KLHL25: variants seen among roughly 807,000 people sequenced by gnomAD.
The protein encoded by KLHL25 is kelch like family member 25.
KLHL25 carries 41 observed loss-of-function variants against 30.0 expected under a neutral mutation model. The ratio of observed to expected loss-of-function variants is 1.37; its 90% CI spans 1.07 to 1.78. The LOEUF is 1.78. Ranked by LOEUF, KLHL25 falls within the 40% of genes most tolerant of loss-of-function variation. KLHL25 has a pLI of 0.00. For synonymous variants in KLHL25, 399 were observed against 355.3 expected, an observed-to-expected ratio of 1.12 and a Z score of -1.38; for missense variants, 971 against 824.5, an observed-to-expected ratio of 1.18 and a Z score of -2.18.
At position 85,769,496 on chromosome 15, in the gene KLHL25, G is replaced by A. The variant is rs752546527; in HGVS notation, c.315C>T (p.Ala105=). 6.2e-7 allele frequency: 1 copy of A among 1,614,046 alleles called. No individual in the cohort carries two copies. Among genetic ancestry groups the A allele is most frequent in the Non-Finnish European group, 8.5e-7 (1 of 1,180,044 alleles). ...PEVLELLLDF[A]YSSRIAINEE... ...CGTTGATGGCGATGCGTGAGGAGTA[G>A]GCAAAGTCCAGCAGCAGCTCCAGCA... Residue 105 remains alanine, a synonymous_variant, in exon 2 of 3, where the codon GCC becomes GCT. Coordinates refer to ENST00000337975, the MANE Select transcript of KLHL25 (RefSeq NM_022480.4).
intron 1 of KLHL25, among the ~76,000 whole-genome samples, chr15:85,784,696 C>T (rs1597280669): frequency 6.6e-6 from 1 of 152,132 alleles, no homozygotes; most frequent in East Asian, 1.9e-4. Flanking sequence ...GAAATGGGGA[C>T]TGACCTCAGT....
At chr15:85,793,247 C>T (rs1398653634) in intron 1 of KLHL25, among the ~76,000 whole-genome samples, 1 of 152,210 alleles carries the variant, frequency 6.6e-6, no homozygotes, top group Non-Finnish European at 1.5e-5. Context: ...TAGCTCTTCT[C>T]TCCGCACCAC....
chr15:85,769,505 C>T lies in KLHL25; in HGVS notation c.306G>A (p.Leu102=), dbSNP rs946935769. ...CGATGCGTGAGGAGTAGGCAAAGTC[C>T]AGCAGCAGCTCCAGCACCTCCGGGT... ...NLHPEVLELL[L]DFAYSSRIAI... The change falls in exon 2 of 3, where the codon CTG becomes CTA. Residue 102 remains leucine (L), a synonymous_variant. Coordinates refer to ENST00000337975, the MANE Select transcript of KLHL25 (RefSeq NM_022480.4). 1.4e-5 allele frequency: 23 copies of T among 1,614,008 alleles called. No individual in the cohort carries two copies. Among genetic ancestry groups the T allele is most frequent in the Non-Finnish European group, 1.9e-5 (23 of 1,180,048 alleles).
intron 1 of KLHL25, among the ~76,000 whole-genome samples, chr15:85,776,277 T>C (rs1166465728): frequency 6.6e-6 from 1 of 151,298 alleles, no homozygotes; most frequent in Non-Finnish European, 1.5e-5. Flanking sequence ...TCACCTGAGG[T>C]CAGGAGTTGG....
In KLHL25 at chr15:85,766,619, TCTGCAGGGC is replaced by T. The variant is rs1387893826; in HGVS notation, c.*24+1389_*24+1397del. ...CCCGTTCCTTCCCTTCACTGCAGGG[TCTGCAGGGC>T]CTGGCTCAAACTGCTCCCAGTGTCT... On this transcript the variant is annotated intron_variant, in intron 2 of 2. Coordinates refer to ENST00000337975, the MANE Select transcript of KLHL25 (RefSeq NM_022480.4). Among the ~76,000 whole-genome samples, 7 of 151,520 alleles carry T rather than the reference TCTGCAGGGC, an allele frequency of 4.6e-5. 1 individual carries two copies. The South Asian group carries it at 8.3e-4, about 18-fold the overall frequency.
chr15:85,782,388 C>G (rs2089749478), intron 1 of KLHL25, among the ~76,000 whole-genome samples: 1 of 151,820 alleles, frequency 6.6e-6, no homozygotes, highest in Non-Finnish European at 1.5e-5. Flanking sequence ...CAACCCAGTG[C>G]CAAATTGTGA....
At chr15:85,793,464 C>T (rs562020870) in intron 1 of KLHL25, among the ~76,000 whole-genome samples, 126 of 152,218 alleles carry the variant, frequency 8.3e-4, no homozygotes, top group African/African-American at 2.9e-3. Context: ...CCAAATGGAC[C>T]CTGAGGTGGG....
At chr15:85,790,330 C>T (rs576743781) in intron 1 of KLHL25, among the ~76,000 whole-genome samples, 13 of 152,224 alleles carry the variant, frequency 8.5e-5, no homozygotes, top group African/African-American at 2.9e-4. Context: ...TCAGGTGATC[C>T]GCCCACCTCG....
intron 1 of KLHL25, 137 bp from the exon 2 acceptor site, chr15:85,769,957 C>T (rs890723938): frequency 2.8e-6 from 2 of 719,352 alleles, no homozygotes; most frequent in African/African-American, 1.8e-5. Flanking sequence ...AGCCCCTCTC[C>T]CGCAACCACG....
intron 2 of KLHL25, chr15:85,761,895 A>G (rs757443813): frequency 1.8e-4 from 27 of 152,276 alleles, no homozygotes; most frequent in Admixed American, 6.5e-5. Context: ...GAACAAGAAC[A>G]TAAGGGGCTT....
chr15:85,790,092 TTTG>T (rs772509743), intron 1 of KLHL25, among the ~76,000 whole-genome samples: 16 of 152,070 alleles, frequency 1.1e-4, no homozygotes, highest in South Asian at 2.1e-4. Flanking sequence ...CCTGACTTCT[TTTG>T]TTGTTGTTGT....
chr15:85,777,655 C>T (rs1037376576), intron 1 of KLHL25, among the ~76,000 whole-genome samples: 2 of 152,226 alleles, frequency 1.3e-5, no homozygotes, highest in African/African-American at 4.8e-5. Context: ...ACTGCAGCCT[C>T]TGGTCACCAG....
In KLHL25 at chr15:85,769,635, C is replaced by T. The variant is rs1384476973; in HGVS notation, c.176G>A (p.Cys59Tyr). The change falls in exon 2 of 3, where the codon TGT (cysteine) becomes TAT (tyrosine). Residue 59 changes from cysteine (C) to tyrosine (Y), a missense_variant. Cys to Tyr is a radical substitution (Grantham distance 194). Coordinates refer to ENST00000337975, the MANE Select transcript of KLHL25 (RefSeq NM_022480.4). ...AGAGGCGGCCAGCACGGCACGGTGA[C>T]AGGGGAAGGCACGGTCGCCCGCCCA... is the stretch of plus-strand genomic sequence containing the variant. ...TLWAGDRAFP[C>Y]HRAVLAASSR... The T allele has an allele frequency of 6.2e-7, 1 of 1,613,316 alleles. No individual in the cohort carries two copies. Among genetic ancestry groups the T allele is most frequent in the Non-Finnish European group, 8.5e-7 (1 of 1,180,040 alleles).
At chr15:85,775,334 C>T (rs1032741129) in intron 1 of KLHL25, among the ~76,000 whole-genome samples, 40 of 152,182 alleles carry the variant, frequency 2.6e-4, no homozygotes, top group Non-Finnish European at 5.1e-4. Context: ...GAGGAAAATG[C>T]AGCTGAAATT....
chr15:85,765,142 C>A (rs1597270843), intron 2 of KLHL25, among the ~76,000 whole-genome samples: 1 of 152,164 alleles, frequency 6.6e-6, no homozygotes, highest in African/African-American at 2.4e-5. Flanking sequence ...CCCCCTCACA[C>A]TGCCCAGCCC....
At chr15:85,781,269 G>A (rs982379752) in intron 1 of KLHL25, among the ~76,000 whole-genome samples, 5 of 152,178 alleles carry the variant, frequency 3.3e-5, no homozygotes, top group African/African-American at 1.2e-4. Flanking sequence ...ACTTTGAATG[G>A]ATTGTTTACC....
Position 85,789,277 on chromosome 15 carries a change from G to A in KLHL25, c.-11+5489C>T, listed in dbSNP as rs147592569. ...TTGAGCTGGTGGCAGCAGGCACAGC[G>A]CTCCCATGGCCTGCTCAGCCCTGCT... is the stretch of plus-strand genomic sequence containing the variant. On this transcript the variant is annotated intron_variant, in intron 1 of 2. Transcript: ENST00000337975. This position sits in a 1 kb window ranked among gnomAD's most constrained non-coding sequence, Gnocchi z 4.1. Among the ~76,000 whole-genome samples the A allele has an allele frequency of 1.4e-3, 209 of 152,308 alleles. No homozygotes were observed. The highest frequency in any genetic ancestry group is 6.8e-3 in the Middle Eastern group (2 of 294).
intron 1 of KLHL25, among the ~76,000 whole-genome samples, chr15:85,775,392 G>T (rs570600171): frequency 3.9e-5 from 6 of 152,270 alleles, no homozygotes; most frequent in African/African-American, 1.4e-4. Context: ...AACCTGCACA[G>T]TGATTCACGG....
chr15:85,768,016 C>T lies in KLHL25; in HGVS notation c.*24+1G>A, dbSNP rs1387371124. 2 of 1,590,760 alleles carry T rather than the reference C, an allele frequency of 1.3e-6. No individual in the cohort carries two copies. The highest frequency in any genetic ancestry group is 1.3e-5 in the African/African-American group (1 of 74,654). On this transcript the variant is annotated splice_donor_variant, in intron 2 of 2. Coordinates refer to ENST00000337975, the MANE Select transcript of KLHL25 (RefSeq NM_022480.4). LOFTEE classifies it low-confidence loss of function (3UTR_SPLICE). ...GTGGCCGTGGGCTGCCAGGGACTCA[C>T]CTGGCTGGGCTCAGCAGGTGCTCCT...
Sources: allele counts gnomAD v4.1 joint callset (sites outside exome capture counted in the v4.1 genomes callset), GRCh38; gene constraint gnomAD v4.1.1; non-coding constraint Gnocchi (gnomAD v3.1); transcripts MANE v1.5; gene names NCBI Gene and HGNC (gene_info 2026-07-23, HGNC 2026-07-21).